IFNGR1: variants seen among roughly 807,000 people sequenced by gnomAD.
IFNGR1 encodes the protein interferon gamma receptor 1.
Under a neutral mutation model 35.4 loss-of-function variants are expected in IFNGR1, and 23 were observed. The ratio of observed to expected loss-of-function variants is 0.65; its 90% confidence interval spans 0.47 to 0.92. The LOEUF (loss-of-function observed/expected upper bound fraction) is 0.92, where lower values mean the gene tolerates loss of function less well. Ranked by LOEUF, IFNGR1 falls within the 40% of genes least tolerant of loss-of-function variation. The pLI, the probability that IFNGR1 is intolerant of heterozygous loss-of-function variation, is 0.00. For synonymous variants in IFNGR1, 199 were observed against 209.5 expected (o/e 0.95, Z 0.43); for missense variants, 533 against 583.4 (o/e 0.91, Z 0.89).
chr6:137,215,241 G>A (rs1480038586), intron 1 of IFNGR1: 32 of 1,539,510 alleles, frequency 2.1e-5, no homozygotes, highest in Admixed American at 6.2e-5. Context: ...CTTTGTGATC[G>A]TTTAATAAAA....
At chr6:137,209,747 A>G (rs1198102680) in intron 1 of IFNGR1, 1 of 398,384 alleles carries the variant, frequency 2.5e-6, no homozygotes, top group Non-Finnish European at 4.4e-6. Flanking sequence ...ACTGGCTACA[A>G]TGAGGATGGC....
intron 3 of IFNGR1, among the ~76,000 whole-genome samples, chr6:137,204,776 T>C (rs897992689): frequency 6.6e-6 from 1 of 152,184 alleles, no homozygotes; most frequent in Non-Finnish European, 1.5e-5. Flanking sequence ...TAAATAAAAA[T>C]AGTTATAAAC....
chr6:137,215,230 T>C (rs1320438215), intron 1 of IFNGR1: 2 of 1,539,166 alleles, frequency 1.3e-6, no homozygotes, highest in Admixed American at 4.2e-5. Context: ...GCTTCCAACA[T>C]CTTTGTGATC....
intron 6 of IFNGR1, among the ~76,000 whole-genome samples, chr6:137,200,520 G>T (rs1331726242): frequency 1.3e-5 from 2 of 152,126 alleles, no homozygotes; most frequent in African/African-American, 2.4e-5. Context: ...CATTGCCTCT[G>T]GAAAAGCCAT....
At chr6:137,198,660 T>C in intron 6 of IFNGR1, 21 bp from the exon 7 acceptor site, 1 of 1,593,034 alleles carries the variant, frequency 6.3e-7, no homozygotes, top group Non-Finnish European at 8.6e-7. Context: ...AAAAATTGAT[T>C]AAAGATAAAA....
rs1356141512 is a variant in IFNGR1, at chr6:137,198,588, C to T, written c.913G>A (p.Val305Ile). Residue 305 changes from valine to isoleucine, a missense_variant, in exon 7 of 7, where the codon GTA (valine) becomes ATA (isoleucine). Val to Ile is a conservative substitution (Grantham distance 29, BLOSUM62 3). Coordinates refer to ENST00000367739, the MANE Select transcript of IFNGR1 (RefSeq NM_000416.3). ...TLETKPESKYVSLITSYQPFS... is the reference protein window; with the variant it reads ...TLETKPESKYISLITSYQPFS... ...GGCTGGTATGACGTGATGAGTGATA[C>T]ATATTTTGATTCAGGTTTTGTCTCT... 11 of 1,613,606 alleles carry T rather than the reference C, an allele frequency of 6.8e-6. No individual in the cohort carries two copies. The highest frequency in any genetic ancestry group is 8.5e-6 in the Non-Finnish European group (10 of 1,179,898).
chr6:137,212,583 T>A (rs765452158), intron 1 of IFNGR1, among the ~76,000 whole-genome samples: 2 of 152,122 alleles, frequency 1.3e-5, no homozygotes, highest in Non-Finnish European at 2.9e-5. Flanking sequence ...TTATACCCAG[T>A]AGGAATGGCT....
At chr6:137,202,177 C>T (rs1175232287) in intron 5 of IFNGR1, among the ~76,000 whole-genome samples, 3 of 152,150 alleles carry the variant, frequency 2.0e-5, no homozygotes, top group African/African-American at 7.2e-5. Flanking sequence ...AACTACAAAA[C>T]CAACATTAGT....
intron 1 of IFNGR1, among the ~76,000 whole-genome samples, chr6:137,209,352 G>A (rs1779521470): frequency 6.6e-6 from 1 of 152,128 alleles, no homozygotes; most frequent in African/African-American, 2.4e-5. Flanking sequence ...AGATTTGGAG[G>A]GGCCAGGGGT....
At position 137,215,144 on chromosome 6, in the gene IFNGR1, A is replaced by G. The variant is rs1466657453; in HGVS notation, c.85+4099T>C. On this transcript the variant is annotated intron_variant, in intron 1 of 6. Transcript: ENST00000367739. ...CAATGTTACCATACATATTTTACCA[A>G]TGAGAAAACAAAGGCTTAGAGAAGT... 2.8e-5 allele frequency: 34 copies of G among 1,212,716 alleles called. No individual in the cohort carries two copies. The South Asian group carries it at 4.3e-4, about 15-fold the overall frequency. 75.1% of individuals were successfully genotyped at this position (1,212,716 alleles called of 1,614,324 possible).
intron 1 of IFNGR1, among the ~76,000 whole-genome samples, chr6:137,212,501 C>T (rs1779600285): frequency 1.3e-5 from 2 of 152,182 alleles, no homozygotes; most frequent in Non-Finnish European, 2.9e-5. Flanking sequence ...CATGAATCGC[C>T]CACCTGGGCC....
intron 5 of IFNGR1, 27 bp downstream of exon 5, chr6:137,203,471 AT>A: frequency 6.5e-6 from 8 of 1,237,564 alleles, no homozygotes; most frequent in Non-Finnish European, 9.6e-6. Flanking sequence ...CTCCCTCTAT[AT>A]TTAGAAAAAA....
At chr6:137,201,432 T>C (rs1204830672) in intron 5 of IFNGR1, among the ~76,000 whole-genome samples, 1 of 152,130 alleles carries the variant, frequency 6.6e-6, no homozygotes, top group Non-Finnish European at 1.5e-5. Context: ...CCCAGCACTT[T>C]GGGAAGTCGA....
At chr6:137,202,364 TAAG>T (rs1214043946) in intron 5 of IFNGR1, among the ~76,000 whole-genome samples, 8 of 152,182 alleles carry the variant, frequency 5.3e-5, no homozygotes, top group Non-Finnish European at 1.2e-4. Context: ...TTTTGAGCAT[TAAG>T]AAGGGTTTTA....
At chr6:137,213,744 C>T (rs1301175847) in intron 1 of IFNGR1, among the ~76,000 whole-genome samples, 1 of 152,226 alleles carries the variant, frequency 6.6e-6, no homozygotes, top group Non-Finnish European at 1.5e-5. Flanking sequence ...TGGCAAACTA[C>T]AGATACCTGC....
intron 4 of IFNGR1, 127 bp from the exon 5 acceptor site, chr6:137,203,812 A>T (rs1216968465): frequency 1.3e-6 from 1 of 780,740 alleles, no homozygotes; most frequent in African/African-American, 1.8e-5. Flanking sequence ...CATGTCTAAA[A>T]ATAGCTTTAC....
chr6:137,214,418 G>T (rs978303242), intron 1 of IFNGR1, among the ~76,000 whole-genome samples: 1 of 152,214 alleles, frequency 6.6e-6, no homozygotes, highest in Non-Finnish European at 1.5e-5. Flanking sequence ...GGTTTAAGCT[G>T]AGTACAGACA....
At position 137,197,859 on chromosome 6, in the gene IFNGR1, G is replaced by C; in HGVS notation, c.*172C>G. 1 of 795,528 alleles carries C rather than the reference G, an allele frequency of 1.3e-6. No individual in the cohort carries two copies. Among genetic ancestry groups the C allele is most frequent in the Non-Finnish European group, 2.0e-6 (1 of 512,296 alleles). 49.3% of individuals were successfully genotyped at this position (795,528 alleles called of 1,614,324 possible). On this transcript the variant is annotated 3_prime_UTR_variant, in exon 7 of 7. Transcript: ENST00000367739. ...AAAAAAAAAAGTCTGTACTTTACAA[G>C]CCAAAAGTGAAAATGCCACACATCC... is the stretch of plus-strand genomic sequence containing the variant.
Position 137,219,245 on chromosome 6 carries a change from G to C in IFNGR1, c.83C>G (p.Ser28Ter), listed in dbSNP as rs1468647789. 6.2e-7 allele frequency: 1 copy of C among 1,609,616 alleles called. No homozygotes were observed. The change falls in exon 1 of 7, where the codon TCA (serine) becomes TGA (stop). Residue 28 changes from serine to a stop codon, truncating the protein, a stop_gained and splice_region_variant. Coordinates refer to ENST00000367739, the MANE Select transcript of IFNGR1 (RefSeq NM_000416.3). LOFTEE classifies it high-confidence loss of function. ...EMGTADLGPS[S>*]VPTPTNVTIE... ...AGCCCTGCCGCGAACGACGGTACCT[G>C]AGGACGGCCCCAGATCCGCGGTGCC...
Sources: gnomAD v4.1 joint callset for allele counts (sites outside exome capture counted in the v4.1 genomes callset) on GRCh38, gnomAD v4.1.1 for gene constraint, MANE v1.5 for transcripts, NCBI Gene and HGNC (gene_info 2026-07-23, HGNC 2026-07-21) for gene names.